The following SETBP1 variants were observed in gnomAD, a reference collection of about 807,000 sequenced individuals.
SETBP1 encodes SET-binding protein.
SETBP1 carries 9 observed loss-of-function variants against 101.0 expected under a neutral mutation model. The observed-to-expected ratio is 0.09, with a 90% CI of 0.05 to 0.16. The LOEUF is 0.16. Among genes scored for constraint, SETBP1 ranks in the 10% least tolerant of loss-of-function variants. SETBP1 has a pLI of 1.00. For missense variants in SETBP1, 1,858 were observed against 2,033.8 expected (o/e 0.91, Z 1.66); for synonymous variants, 818 against 788.5 (o/e 1.04, Z -0.63).
chr18:44,832,170 G>A (rs915648794), intron 2 of SETBP1, among the ~76,000 whole-genome samples: 3 of 152,102 alleles, frequency 2.0e-5, no homozygotes, highest in Middle Eastern at 3.2e-3. Flanking sequence ...ATCAGGTGAC[G>A]CTAGACATCA....
chr18:44,905,152 G>T (rs546061333), intron 3 of SETBP1, among the ~76,000 whole-genome samples: 4 of 152,264 alleles, frequency 2.6e-5, no homozygotes, highest in African/African-American at 9.6e-5. Context: ...AGCTGGAGCA[G>T]GTGTCCGGGT....
chr18:44,918,938 C>T (rs191328000), intron 3 of SETBP1, among the ~76,000 whole-genome samples: 332 of 152,310 alleles, frequency 2.2e-3, no homozygotes, highest in Admixed American at 4.2e-3. Context: ...AGACTCTTCT[C>T]CTGGGGCTTA....
At chr18:44,682,201 C>T (rs184380163) in intron 1 of SETBP1, among the ~76,000 whole-genome samples, 2 of 152,304 alleles carry the variant, frequency 1.3e-5, no homozygotes, top group East Asian at 3.9e-4. Context: ...ATAGGTATAT[C>T]TCCTGTGCCC....
intron 5 of SETBP1, among the ~76,000 whole-genome samples, chr18:45,050,815 CA>C (rs778516403): frequency 2.6e-5 from 4 of 152,198 alleles, no homozygotes; most frequent in Non-Finnish European, 5.9e-5. Flanking sequence ...AGCCTCTAAG[CA>C]GGCTTCCTGG....
intron 2 of SETBP1, among the ~76,000 whole-genome samples, chr18:44,806,590 T>G (rs368966035): frequency 2.0e-5 from 3 of 151,160 alleles, no homozygotes; most frequent in East Asian, 3.9e-4. Context: ...GAACTTTGTT[T>G]TTCCGTAGTA....
At chr18:44,836,726 T>C (rs546147964) in intron 2 of SETBP1, among the ~76,000 whole-genome samples, 1 of 152,354 alleles carries the variant, frequency 6.6e-6, no homozygotes, top group Non-Finnish European at 1.5e-5. Context: ...TCCACAGTGA[T>C]GAACTTACCG....
At chr18:44,914,555 T>A (rs1224764551) in intron 3 of SETBP1, among the ~76,000 whole-genome samples, 1 of 152,204 alleles carries the variant, frequency 6.6e-6, no homozygotes, top group African/African-American at 2.4e-5. Context: ...TTTGAGTGAC[T>A]ATCACCTTTT....
chr18:44,933,856 C>T (rs1187751327), intron 3 of SETBP1, among the ~76,000 whole-genome samples: 1 of 152,164 alleles, frequency 6.6e-6, no homozygotes, highest in African/African-American at 2.4e-5. Context: ...GTCATGGTTT[C>T]CCTTTGCTAG....
At chr18:44,727,243 T>G (rs539507899) in intron 2 of SETBP1, among the ~76,000 whole-genome samples, 1 of 149,036 alleles carries the variant, frequency 6.7e-6, no homozygotes, top group Admixed American at 6.7e-5. Context: ...AAACAAACTC[T>G]TAAGGTTTTA....
At chr18:44,835,327 G>A (rs2072473814) in intron 2 of SETBP1, among the ~76,000 whole-genome samples, 1 of 152,100 alleles carries the variant, frequency 6.6e-6, no homozygotes, top group Admixed American at 6.5e-5. Context: ...AGCCTTCAAA[G>A]GTTTGTGAAG....
intron 3 of SETBP1, among the ~76,000 whole-genome samples, chr18:44,938,602 C>T (rs1324657268): frequency 1.3e-5 from 2 of 152,210 alleles, no homozygotes; most frequent in Non-Finnish European, 2.9e-5. Flanking sequence ...GGAGGCGGGG[C>T]AGTGTTAACT....
intron 5 of SETBP1, among the ~76,000 whole-genome samples, chr18:45,060,249 G>T (rs757805586): frequency 6.6e-6 from 1 of 152,130 alleles, no homozygotes; most frequent in Non-Finnish European, 1.5e-5. Flanking sequence ...AGTAAAGCAG[G>T]CAAGCTTGAC....
intron 2 of SETBP1, among the ~76,000 whole-genome samples, chr18:44,807,640 T>C (rs183462081): frequency 1.4e-3 from 206 of 152,364 alleles, no homozygotes; most frequent in African/African-American, 4.3e-3. Context: ...AGTCCATTTA[T>C]GCCTCCTTGA....
intron 2 of SETBP1, among the ~76,000 whole-genome samples, chr18:44,840,882 A>G (rs1279039717): frequency 1.3e-5 from 2 of 152,202 alleles, no homozygotes; most frequent in Non-Finnish European, 2.9e-5. Flanking sequence ...ATAGGTCCTG[A>G]GTATTAAATG....
chr18:44,722,572 G>A (rs1420256116), intron 2 of SETBP1, among the ~76,000 whole-genome samples: 1 of 152,204 alleles, frequency 6.6e-6, no homozygotes, highest in Admixed American at 6.5e-5. Flanking sequence ...CTCCTGCAGA[G>A]CAGCAGTATT....
chr18:44,963,115 A>G (rs2071646369), intron 4 of SETBP1, among the ~76,000 whole-genome samples: 1 of 152,162 alleles, frequency 6.6e-6, no homozygotes, highest in African/African-American at 2.4e-5. Context: ...CTAGATCCCA[A>G]GTATCCTGGA....
At chr18:44,857,242 C>T (rs1048272205) in intron 2 of SETBP1, among the ~76,000 whole-genome samples, 12 of 152,156 alleles carry the variant, frequency 7.9e-5, no homozygotes, top group South Asian at 2.1e-4. Flanking sequence ...ACTCCTGTTA[C>T]GTCAAGAGCC....
intron 2 of SETBP1, among the ~76,000 whole-genome samples, chr18:44,716,451 T>C (rs2069466475): frequency 6.6e-6 from 1 of 152,232 alleles, no homozygotes; most frequent in African/African-American, 2.4e-5. Context: ...AGGTGAGGCC[T>C]TGCTGTCCTT....
At chr18:44,893,904 T>C (rs1252500580) in intron 3 of SETBP1, among the ~76,000 whole-genome samples, 1 of 151,992 alleles carries the variant, frequency 6.6e-6, no homozygotes, top group African/African-American at 2.4e-5. Context: ...AGTTTGAGAG[T>C]TGCTGCCTAT....
Sources: gnomAD v4.1 joint callset for allele counts (sites outside exome capture counted in the v4.1 genomes callset) on GRCh38, gnomAD v4.1.1 for gene constraint, MANE v1.5 for transcripts, NCBI Gene and HGNC (gene_info 2026-07-23, HGNC 2026-07-21) for gene names.